SYNE2: variants seen among roughly 807,000 people sequenced by gnomAD.
The protein encoded by SYNE2 is spectrin repeat containing nuclear envelope protein 2.
In SYNE2, 431 loss-of-function variants were observed where a neutral mutation model predicts 856.3. That is an observed-to-expected ratio of 0.50 (90% CI 0.47 to 0.55). The LOEUF (loss-of-function observed/expected upper bound fraction) is 0.55, where lower values mean the gene tolerates loss of function less well. Ranked by LOEUF, SYNE2 falls within the 20% of genes least tolerant of loss-of-function variation. The pLI is 0.00. For synonymous variants in SYNE2, 2,923 were observed against 2,872.3 expected (o/e 1.02, Z -0.56); for missense variants, 8,129 against 8,023.2 (o/e 1.01, Z -0.50).
At chr14:64,209,075 C>A in intron 101 of SYNE2, 130 bp downstream of exon 101, 2 of 1,151,004 alleles carry the variant, frequency 1.7e-6, no homozygotes, top group Non-Finnish European at 2.5e-6. Context: ...AGAGAAGGCC[C>A]AACGCTTATC....
intron 74 of SYNE2, among the ~76,000 whole-genome samples, chr14:64,128,802 G>C (rs2097978019): frequency 6.6e-6 from 1 of 152,368 alleles, no homozygotes; most frequent in African/African-American, 2.4e-5. Flanking sequence ...GTGTTGGTAA[G>C]GGTATTGGAA....
chr14:64,140,998 T>C lies in SYNE2; in HGVS notation c.14977-343T>C, dbSNP rs1024553921. Among the ~76,000 whole-genome samples the C allele has an allele frequency of 1.7e-4, 26 of 152,314 alleles. No homozygotes were observed. The East Asian group carries it at 2.9e-3, about 17-fold the overall frequency. On this transcript the variant is annotated intron_variant, in intron 80 of 115. Coordinates refer to ENST00000555002, the MANE Select transcript of SYNE2 (RefSeq NM_182914.3). ...TGAAAGAATTTCTACATAGGAAAGA[T>C]TTAAACATTTTAATTACAAACTTGT...
In SYNE2 at chr14:64,053,638, C is replaced by T. The variant is rs763445605; in HGVS notation, c.9725C>T (p.Thr3242Ile). Residue 3242 changes from threonine (T) to isoleucine (I), a missense_variant, in exon 48 of 116, where the codon ACA (threonine) becomes ATA (isoleucine). Around this residue, in one of 3 missense-constraint regions of SYNE2, gnomAD observed 5,410 missense variants for 5,284.8 expected, o/e 1.02. Transcript: ENST00000555002. ...GAAGATCTTCAGATGCAGCTTAACA[C>T]AAGCATTGATTTGCGCACAGTAAGT... is the stretch of plus-strand genomic sequence containing the variant. ...EFEDLQMQLNTSIDLRTNVLN... is the reference protein window; with the variant it reads ...EFEDLQMQLNISIDLRTNVLN... The T allele has an allele frequency of 1.2e-6, 2 of 1,613,342 alleles. No homozygotes were observed. The highest frequency in any genetic ancestry group is 1.3e-5 in the African/African-American group (1 of 74,898).
In SYNE2 at chr14:64,175,119, A is replaced by G; in HGVS notation, c.17411A>G (p.Gln5804Arg). ...MEPQLAEMIK[Q>R]FQSTVETWDQ... is the part of the protein sequence containing the mutation. ...CCCCAGCTGGCAGAGATGATTAAGC[A>G]GTTCCAGAGCACTGTAGAGGTAAAC... Residue 5804 changes from glutamine (Q) to arginine (R), a missense_variant, in exon 95 of 116, where the codon CAG becomes CGG. Physicochemically the swap from Gln to Arg is conservative, Grantham distance 43 (BLOSUM62 1). Around this residue, in one of 3 missense-constraint regions of SYNE2, gnomAD observed 5,410 missense variants for 5,284.8 expected, o/e 1.02. Coordinates refer to ENST00000555002, the MANE Select transcript of SYNE2 (RefSeq NM_182914.3). 1 of 1,614,088 alleles carries G rather than the reference A, an allele frequency of 6.2e-7. No individual in the cohort carries two copies. Among genetic ancestry groups the G allele is most frequent in the Middle Eastern group, 1.6e-4 (1 of 6,062 alleles).
chr14:63,940,453 AC>A lies in SYNE2; in HGVS notation c.80-160del, dbSNP rs28365779. Among the ~76,000 whole-genome samples, 12,630 of 152,268 alleles carry A rather than the reference AC, an allele frequency of 0.083. 562 individuals carry two copies. The highest frequency in any genetic ancestry group is 0.16 in the South Asian group (771 of 4,818). On this transcript the variant is annotated intron_variant, in intron 2 of 115. Coordinates refer to ENST00000555002, the MANE Select transcript of SYNE2 (RefSeq NM_182914.3). ...CGTATCAACATGGTTTTTCTAAAACACTACTTGGACAAACATCTACAGTTTA... is the reference window on the plus strand; with the variant it reads ...CGTATCAACATGGTTTTTCTAAAACATACTTGGACAAACATCTACAGTTTA...
intron 50 of SYNE2, among the ~76,000 whole-genome samples, chr14:64,064,954 T>TC (rs2097347178): frequency 6.6e-6 from 1 of 151,074 alleles, no homozygotes; most frequent in South Asian, 2.1e-4. Context: ...AACCTGTGCC[T>TC]CCCAGGTTCA....
chr14:64,036,671 A>G (rs1463760866), intron 45 of SYNE2, among the ~76,000 whole-genome samples: 1 of 152,150 alleles, frequency 6.6e-6, no homozygotes, highest in Non-Finnish European at 1.5e-5. Flanking sequence ...ATTTTACTCT[A>G]TAACCCACAC....
chr14:64,171,252 C>T (rs2098409201), intron 94 of SYNE2, among the ~76,000 whole-genome samples: 1 of 152,168 alleles, frequency 6.6e-6, no homozygotes, highest in African/African-American at 2.4e-5. Flanking sequence ...CAAACACCAC[C>T]CTCCTGAAAT....
intron 67 of SYNE2, among the ~76,000 whole-genome samples, chr14:64,120,672 A>G (rs1035505409): frequency 3.3e-5 from 5 of 152,208 alleles, no homozygotes; most frequent in African/African-American, 1.2e-4. Context: ...CTGAGGCAGG[A>G]GAATCCCTTG....
intron 2 of SYNE2, among the ~76,000 whole-genome samples, chr14:63,926,060 T>C (rs2095660764): frequency 6.6e-6 from 1 of 151,932 alleles, no homozygotes; most frequent in African/African-American, 2.4e-5. Flanking sequence ...CCCAGACTGG[T>C]CTTGAACTCC....
chr14:63,947,846 A>AT (rs2096060440), intron 6 of SYNE2, among the ~76,000 whole-genome samples: 1 of 151,966 alleles, frequency 6.6e-6, no homozygotes, highest in Non-Finnish European at 1.5e-5. Context: ...TAAAAAAAAA[A>AT]GAAAGAAAAG....
intron 1 of SYNE2, among the ~76,000 whole-genome samples, chr14:63,904,813 A>G (rs2095387509): frequency 6.6e-6 from 1 of 151,958 alleles, no homozygotes; most frequent in African/African-American, 2.4e-5. Flanking sequence ...CTTTAATTAG[A>G]TCCCATTTGT....
chr14:64,144,612 GA>G (rs1321924648), intron 83 of SYNE2, among the ~76,000 whole-genome samples: 1 of 151,780 alleles, frequency 6.6e-6, no homozygotes, highest in Non-Finnish European at 1.5e-5. Context: ...CACTTAATTA[GA>G]AAAAAAATTA....
chr14:64,165,374 T>C lies in SYNE2; in HGVS notation c.16569T>C (p.Leu5523=). ...ATGAAGAAGAGAATTTGGATAGACT[T>C]CACCAACAGGAAAAAGAAAATCCTG... ...IMHEEENLDR[L]HQQEKENPDS... Residue 5523 remains leucine (L), a synonymous_variant, in exon 90 of 116, where the codon CTT becomes CTC. Coordinates refer to ENST00000555002, the MANE Select transcript of SYNE2 (RefSeq NM_182914.3). 1 of 1,614,012 alleles carries C rather than the reference T, an allele frequency of 6.2e-7. No homozygotes were observed. Among genetic ancestry groups the C allele is most frequent in the Non-Finnish European group, 8.5e-7 (1 of 1,179,950 alleles).
At chr14:64,040,720 T>C (rs536882540) in intron 45 of SYNE2, among the ~76,000 whole-genome samples, 100 of 145,906 alleles carry the variant, frequency 6.9e-4, no homozygotes, top group African/African-American at 2.3e-3. Flanking sequence ...TAGGAGGGAG[T>C]TTTAAGAGAG....
intron 39 of SYNE2, 97 bp from the exon 40 acceptor site, chr14:64,024,815 A>G: frequency 2.3e-6 from 3 of 1,285,026 alleles, no homozygotes; most frequent in South Asian, 1.3e-5. Context: ...AACATATTAT[A>G]AAAACCTGGT....
At chr14:63,989,319 T>C (rs900144130) in intron 19 of SYNE2, among the ~76,000 whole-genome samples, 11 of 152,194 alleles carry the variant, frequency 7.2e-5, no homozygotes, top group African/African-American at 2.4e-4. Flanking sequence ...TGCAGCGAGA[T>C]AGCAGATCAG....
intron 2 of SYNE2, among the ~76,000 whole-genome samples, chr14:63,938,398 C>G (rs530785336): frequency 2.6e-5 from 4 of 152,286 alleles, no homozygotes; most frequent in Non-Finnish European, 5.9e-5. Flanking sequence ...CACCCCTGCA[C>G]TCCAGCTTGA....
chr14:63,768,427 T>C (rs1035620809), intron 1 of SYNE2, among the ~76,000 whole-genome samples: 4 of 152,220 alleles, frequency 2.6e-5, no homozygotes, highest in Admixed American at 6.5e-5. Flanking sequence ...ACTTGTTTGA[T>C]GCCTTAAACC....
Sources: gnomAD v4.1 joint callset for allele counts (sites outside exome capture counted in the v4.1 genomes callset) on GRCh38, gnomAD v4.1.1 for gene constraint, gnomAD v4.1.1 regional missense constraint, MANE v1.5 for transcripts, NCBI Gene and HGNC (gene_info 2026-07-23, HGNC 2026-07-21) for gene names.